FKBP15: variants seen among roughly 807,000 people sequenced by gnomAD.
The protein encoded by FKBP15 is FK506-binding protein 15.
Under a neutral mutation model 158.1 loss-of-function variants are expected in FKBP15, and 106 were observed. The ratio of observed to expected loss-of-function variants is 0.67; its 90% CI spans 0.57 to 0.79. FKBP15 has a LOEUF of 0.79. Ranked by LOEUF, FKBP15 falls within the 30% of genes least tolerant of loss-of-function variation. FKBP15 has a pLI of 0.00. For synonymous variants in FKBP15, 547 were observed against 548.6 expected (o/e 1.00, Z 0.04); for missense variants, 1,287 against 1,479.1 (o/e 0.87, Z 2.13).
Position 113,218,863 on chromosome 9 carries a change from C to G in FKBP15, c.53+2328G>C, listed in dbSNP as rs373393010. Reference sequence around the variant, plus strand: ...AGAACTCAAAATGCTTTCTGATGATCGGTTAATTTATCTTTCTACCATCTT... The same window carrying G: ...AGAACTCAAAATGCTTTCTGATGATGGGTTAATTTATCTTTCTACCATCTT... On this transcript the variant is annotated intron_variant, in intron 1 of 27. Coordinates refer to ENST00000238256, the MANE Select transcript of FKBP15 (RefSeq NM_015258.2). Among the ~76,000 whole-genome samples, 7 of 152,234 alleles carry G rather than the reference C, an allele frequency of 4.6e-5. No individual in the cohort carries two copies. The South Asian group carries it at 1.4e-3, about 32-fold the overall frequency.
At chr9:113,199,151 A>T (rs1411932396) in intron 7 of FKBP15, among the ~76,000 whole-genome samples, 2 of 152,194 alleles carry the variant, frequency 1.3e-5, no homozygotes, top group Non-Finnish European at 2.9e-5. Context: ...AAAAAAACAC[A>T]TTACTACAAC....
At chr9:113,218,362 G>A (rs1257467394) in intron 1 of FKBP15, among the ~76,000 whole-genome samples, 1 of 139,900 alleles carries the variant, frequency 7.1e-6, no homozygotes, top group Non-Finnish European at 1.5e-5. Context: ...ACCTCATAGA[G>A]AGGAGTAAAT....
Position 113,169,705 on chromosome 9 carries a change from A to T in FKBP15, c.3004T>A (p.Ser1002Thr). ...CCTTTCCTTCTGTGTCCATCCTGGGAAGTGGTGAGGGCCTGAGGAGGCAAC... is the reference window on the plus strand; with the variant it reads ...CCTTTCCTTCTGTGTCCATCCTGGGTAGTGGTGAGGGCCTGAGGAGGCAAC... ...VPLPPQALTTSQDGHRRKGDS... is the reference protein window; with the variant it reads ...VPLPPQALTTTQDGHRRKGDS... Residue 1002 changes from serine to threonine, a missense_variant, in exon 26 of 28, where the codon TCC becomes ACC. Physicochemically the swap from Ser to Thr is moderately conservative, Grantham distance 58. Coordinates refer to ENST00000238256, the MANE Select transcript of FKBP15 (RefSeq NM_015258.2). 1 of 1,613,668 alleles carries T rather than the reference A, an allele frequency of 6.2e-7. No individual in the cohort carries two copies. The highest frequency in any genetic ancestry group is 8.5e-7 in the Non-Finnish European group (1 of 1,179,784).
At chr9:113,219,599 T>C (rs897558502) in intron 1 of FKBP15, among the ~76,000 whole-genome samples, 3 of 152,190 alleles carry the variant, frequency 2.0e-5, no homozygotes, top group Non-Finnish European at 4.4e-5. Context: ...AGAATTCAAG[T>C]GTCTCAGATC....
chr9:113,173,384 A>G (rs1366793427), intron 23 of FKBP15, 69 bp downstream of exon 23: 4 of 1,536,088 alleles, frequency 2.6e-6, no homozygotes, highest in Non-Finnish European at 2.7e-6. Context: ...GATCGACAGG[A>G]CTCAAACAGC....
At chr9:113,168,640 T>C in intron 26 of FKBP15, 84 bp from the exon 27 acceptor site, 1 of 1,194,274 alleles carries the variant, frequency 8.4e-7, no homozygotes, top group Non-Finnish European at 1.2e-6. Flanking sequence ...CACCGGCCCT[T>C]GGGTAAGAAT....
At chr9:113,186,408 C>G in intron 14 of FKBP15, 45 bp from the exon 15 acceptor site, 2 of 1,354,792 alleles carry the variant, frequency 1.5e-6, no homozygotes. Context: ...ACATTCATGT[C>G]TTTCTTTTTT....
At chr9:113,173,193 A>G (rs900377212) in intron 23 of FKBP15, among the ~76,000 whole-genome samples, 3 of 152,206 alleles carry the variant, frequency 2.0e-5, no homozygotes, top group Non-Finnish European at 2.9e-5. Flanking sequence ...CTCTCAATAA[A>G]TATTTGCTTA....
At chr9:113,176,212 G>A (rs899864247) in intron 21 of FKBP15, among the ~76,000 whole-genome samples, 5 of 152,282 alleles carry the variant, frequency 3.3e-5, no homozygotes, top group Admixed American at 2.6e-4. Flanking sequence ...TCCTTCTTAT[G>A]TAGTACAAGT....
chr9:113,192,551 G>A (rs183006873), intron 11 of FKBP15, among the ~76,000 whole-genome samples: 1 of 152,288 alleles, frequency 6.6e-6, no homozygotes, highest in East Asian at 1.9e-4. Context: ...TACAACTGGG[G>A]AAACACAGAG....
chr9:113,209,353 C>A (rs2118945653), intron 2 of FKBP15, among the ~76,000 whole-genome samples: 1 of 152,282 alleles, frequency 6.6e-6, no homozygotes, highest in African/African-American at 2.4e-5. Context: ...AAGGTTGTTT[C>A]TTTTTCTCCC....
At position 113,172,619 on chromosome 9, in the gene FKBP15, C is replaced by T. The variant is rs375985168; in HGVS notation, c.2532+834G>A. Among the ~76,000 whole-genome samples the T allele has an allele frequency of 5.3e-5, 8 of 152,308 alleles. No individual in the cohort carries two copies. The South Asian group carries it at 6.2e-4, about 12-fold the overall frequency. ...CTATCTCCTCATCATTCGACTTCAA[C>T]GCAAAACTTCACTTTCTCTTTCCCA... On this transcript the variant is annotated intron_variant, in intron 23 of 27. Transcript: ENST00000238256.
At chr9:113,191,815 C>T (rs1830580584) in intron 11 of FKBP15, among the ~76,000 whole-genome samples, 2 of 151,364 alleles carry the variant, frequency 1.3e-5, no homozygotes, top group Admixed American at 1.3e-4. Flanking sequence ...AAAGCAGTTA[C>T]CTAAGGGGTG....
chr9:113,193,277 T>C (rs1830608431), intron 11 of FKBP15, among the ~76,000 whole-genome samples: 1 of 152,128 alleles, frequency 6.6e-6, no homozygotes, highest in Non-Finnish European at 1.5e-5. Flanking sequence ...CTTTTTTTTC[T>C]CTAACCTACC....
In FKBP15 at chr9:113,170,420, C is replaced by G. The variant is rs563113679; in HGVS notation, c.2766+102G>C. On this transcript the variant is annotated intron_variant, in intron 25 of 27. Coordinates refer to ENST00000238256, the MANE Select transcript of FKBP15 (RefSeq NM_015258.2). Reference sequence around the variant, plus strand: ...ATGCTGGGATTACAAGCATAAGCCACTGTGCCAGCTTTGAACAATTTTTTA... The same window carrying G: ...ATGCTGGGATTACAAGCATAAGCCAGTGTGCCAGCTTTGAACAATTTTTTA... 8 of 860,616 alleles carry G rather than the reference C, an allele frequency of 9.3e-6. No homozygotes were observed. In the African/African-American group the frequency reaches 1.0e-4, roughly 11 times the overall value. 53.3% of individuals were successfully genotyped at this position (860,616 alleles called of 1,614,324 possible).
Position 113,161,231 on chromosome 9 carries a change from T to G in FKBP15, c.*4847A>C. The G allele has an allele frequency of 1.8e-5, 8 of 443,692 alleles. No homozygotes were observed. Among genetic ancestry groups the G allele is most frequent in the South Asian group, 2.8e-5 (1 of 35,578 alleles). The allele number at this position is 443,692 out of a possible 1,614,324, so 27.5% of individuals were successfully genotyped here. On this transcript the variant is annotated 3_prime_UTR_variant, in exon 28 of 28. Transcript: ENST00000238256. The stretch of plus-strand genomic sequence containing the variant: ...TCACTTAACAAGAAGTCACGACAGA[T>G]TTGTGCAGCCTGCTGGGGGAGTGGG...
intron 19 of FKBP15, among the ~76,000 whole-genome samples, chr9:113,181,254 T>A (rs1005302335): frequency 2.0e-5 from 3 of 152,196 alleles, no homozygotes; most frequent in Non-Finnish European, 2.9e-5. Flanking sequence ...GTATCAGACA[T>A]CTCTGGGGTT....
In FKBP15 at chr9:113,171,713, A is replaced by C. The variant is rs1297575781; in HGVS notation, c.2533-7T>G. On this transcript the variant is annotated splice_polypyrimidine_tract_variant and splice_region_variant and intron_variant, in intron 23 of 27. Coordinates refer to ENST00000238256, the MANE Select transcript of FKBP15 (RefSeq NM_015258.2). ...GGGCCTGGAGGGCTAAACACTGCAA[A>C]ACAAACAGACTGTGGCTGTGGCCTC... 2.6e-6 allele frequency: 4 copies of C among 1,567,700 alleles called. No individual in the cohort carries two copies. The African/African-American group carries it at 5.8e-5, about 23-fold the overall frequency.
rs1386478929 is a variant in FKBP15, at chr9:113,173,507, C to T, written c.2478G>A (p.Glu826=). The T allele has an allele frequency of 1.2e-6, 2 of 1,614,018 alleles. No homozygotes were observed. The highest frequency in any genetic ancestry group is 1.7e-6 in the Non-Finnish European group (2 of 1,179,890). ...GGTAGGCATCTCTCTGTGCGCACAC[C>T]TCCTGGTACTGCTGCAGGTGCTCAT... ...AKDEHLQQYQ[E]VCAQRDAYQQ... is the part of the protein sequence containing the mutation. Residue 826 remains glutamate (E), a synonymous_variant, in exon 23 of 28, where the codon GAG becomes GAA. Transcript: ENST00000238256.
Sources: gnomAD v4.1 joint callset for allele counts (sites outside exome capture counted in the v4.1 genomes callset) on GRCh38, gnomAD v4.1.1 for gene constraint, MANE v1.5 for transcripts, NCBI Gene and HGNC (gene_info 2026-07-23, HGNC 2026-07-21) for gene names.